The following CAMK4 variants were observed in gnomAD, a reference collection of about 807,000 sequenced individuals.
CAMK4 encodes calcium/calmodulin-dependent protein kinase type IV.
CAMK4 carries 22 observed loss-of-function variants against 44.9 expected under a neutral mutation model. The ratio of observed to expected loss-of-function variants is 0.49; its 90% CI spans 0.35 to 0.70. The LOEUF (loss-of-function observed/expected upper bound fraction) is 0.70. Among genes scored for constraint, CAMK4 ranks in the 30% least tolerant of loss-of-function variants. The pLI is 0.01. For synonymous variants in CAMK4, 218 were observed against 215.4 expected, an observed-to-expected ratio of 1.01 and a Z score of -0.11; for missense variants, 498 against 586.8, an observed-to-expected ratio of 0.85 and a Z score of 1.56.
chr5:111,223,905 G>C (rs1748033203), upstream of CAMK4: 1 of 153,040 alleles, frequency 6.5e-6, no homozygotes, highest in South Asian at 2.1e-4. This position sits in a 1 kb window ranked among gnomAD's most constrained non-coding sequence, Gnocchi z 4.3. Flanking sequence ...GGGATGAGTT[G>C]CGCCACCACC....
rs1370407265 is a variant in CAMK4 at position 111,482,139 on chromosome 5, C to T, written c.829-646C>T. On this transcript the variant is annotated intron_variant, in intron 9 of 10. Transcript: ENST00000282356. This position sits in a 1 kb window ranked among gnomAD's most constrained non-coding sequence, Gnocchi z 4.9. ...TTTATTGACTGCCCATCCTCACAAG[C>T]AGGGGTAAACCTCCAAGAATGGGCT... 1 of 152,164 alleles carries T rather than the reference C, an allele frequency of 6.6e-6. No homozygotes were observed. 9.4% of individuals were successfully genotyped at this position (152,164 alleles called of 1,614,324 possible).
chr5:111,483,357 T>A (rs1014220259), intron 10 of CAMK4, among the ~76,000 whole-genome samples: 7 of 152,142 alleles, frequency 4.6e-5, no homozygotes, highest in Admixed American at 6.5e-5. Context: ...GACAAAAATT[T>A]AAAAATTTAA....
In CAMK4 at chr5:111,321,818, C is replaced by T. The variant is rs563660693; in HGVS notation, c.162-22206C>T. On this transcript the variant is annotated intron_variant, in intron 1 of 10. Transcript: ENST00000282356. ...ATGTTTAAAAAGCTGCCTGGAACAC[C>T]AAAGGGAAATTTCTTAATTCTGCCC... 2.6e-5 allele frequency among the ~76,000 whole-genome samples: 4 copies of T among 152,098 alleles called. No homozygotes were observed. The East Asian group carries it at 7.7e-4, about 29-fold the overall frequency.
Position 111,279,991 on chromosome 5 carries a change from C to T in CAMK4, c.161+55347C>T, listed in dbSNP as rs887633446. ...TTGGAAGAAGGAAGCATTATACAGC[C>T]GGTATTCACAGCAGTATTGAGGTCA... is the stretch of plus-strand genomic sequence containing the variant. On this transcript the variant is annotated intron_variant, in intron 1 of 10. Transcript: ENST00000282356. Among the ~76,000 whole-genome samples, 5 of 152,226 alleles carry T rather than the reference C, an allele frequency of 3.3e-5. No individual in the cohort carries two copies. In the East Asian group the frequency reaches 5.8e-4, roughly 18 times the overall value.
intron 2 of CAMK4, chr5:111,358,091 A>G (rs1478757739): frequency 6.6e-6 from 1 of 152,114 alleles, no homozygotes; most frequent in East Asian, 1.9e-4. Context: ...TTAAGCCTTT[A>G]TTGACACAGG....
At chr5:111,418,961 A>G (rs1752918987) in intron 5 of CAMK4, among the ~76,000 whole-genome samples, 1 of 152,134 alleles carries the variant, frequency 6.6e-6, no homozygotes, top group Non-Finnish European at 1.5e-5. Context: ...TATACCCAGT[A>G]ATGGGATGGC....
chr5:111,468,224 C>A (rs796987479), intron 7 of CAMK4, among the ~76,000 whole-genome samples: 10 of 152,138 alleles, frequency 6.6e-5, no homozygotes, highest in African/African-American at 2.4e-4. Flanking sequence ...GTACAGTGTA[C>A]AATGCTCAGG....
chr5:111,414,009 T>C (rs1201177176), intron 5 of CAMK4, among the ~76,000 whole-genome samples: 2 of 152,180 alleles, frequency 1.3e-5, no homozygotes, highest in Non-Finnish European at 2.9e-5. Context: ...TTAAAACTTA[T>C]GATAGCGAGA....
At chr5:111,251,560 T>C (rs748974440) in intron 1 of CAMK4, among the ~76,000 whole-genome samples, 1 of 152,342 alleles carries the variant, frequency 6.6e-6, no homozygotes, top group Middle Eastern at 3.4e-3. Flanking sequence ...TACAGCCTTA[T>C]CTTCATTAAG....
intron 4 of CAMK4, among the ~76,000 whole-genome samples, chr5:111,382,797 G>A (rs1751467216): frequency 6.6e-6 from 1 of 152,098 alleles, no homozygotes; most frequent in African/African-American, 2.4e-5. Context: ...TTGCTACCAT[G>A]TCATGCTGCT....
intron 1 of CAMK4, among the ~76,000 whole-genome samples, chr5:111,309,565 C>T (rs1173181894): frequency 6.6e-6 from 1 of 152,072 alleles, no homozygotes; most frequent in Non-Finnish European, 1.5e-5. Flanking sequence ...TGGTTCTGAG[C>T]CATTAACAAT....
intron 1 of CAMK4, among the ~76,000 whole-genome samples, chr5:111,325,298 T>G (rs1487361051): frequency 1.3e-5 from 2 of 152,126 alleles, no homozygotes; most frequent in African/African-American, 4.8e-5. Context: ...TCTTTGCTGT[T>G]GTAAATAGTA....
chr5:111,468,743 G>A (rs547079121), intron 7 of CAMK4, among the ~76,000 whole-genome samples: 1 of 152,234 alleles, frequency 6.6e-6, no homozygotes, highest in East Asian at 1.9e-4. Context: ...ACTTTGGGAG[G>A]CCGAGGCGGG....
rs1259399564 is a variant in CAMK4 at position 111,224,700 on chromosome 5, C to G, written c.161+56C>G. 5 of 1,531,338 alleles carry G rather than the reference C, an allele frequency of 3.3e-6. No homozygotes were observed. The East Asian group carries it at 9.7e-5, about 30-fold the overall frequency. The allele number at this position is 1,531,338 out of a possible 1,614,324, so 94.9% of individuals were successfully genotyped here. A position where few individuals can be genotyped will look rare whatever the true frequency, so the allele number is the denominator to read the frequency against. On this transcript the variant is annotated intron_variant, in intron 1 of 10. Transcript: ENST00000282356. The surrounding 1 kb of genome is among the most constrained non-coding windows in gnomAD (Gnocchi z 5.7). Reference sequence around the variant, plus strand: ...GCGGCGTGCACTGGGGGTTGTCCCTCTCGCAGCGACGGCTCGGAGGGTGCG... The same window carrying G: ...GCGGCGTGCACTGGGGGTTGTCCCTGTCGCAGCGACGGCTCGGAGGGTGCG...
chr5:111,451,250 T>G (rs950596578), intron 7 of CAMK4, among the ~76,000 whole-genome samples: 2 of 59,690 alleles, frequency 3.4e-5, no homozygotes, highest in South Asian at 5.1e-4. Context: ...ATAGGGAAAT[T>G]TATATATTTA....
chr5:111,394,458 AACAG>A (rs748894010), intron 4 of CAMK4, among the ~76,000 whole-genome samples: 3 of 152,204 alleles, frequency 2.0e-5, no homozygotes, highest in Non-Finnish European at 4.4e-5. Flanking sequence ...CAAAGCTTAA[AACAG>A]ACAAAGTGTT....
At chr5:111,382,845 G>A (rs1391371220) in intron 4 of CAMK4, among the ~76,000 whole-genome samples, 2 of 152,140 alleles carry the variant, frequency 1.3e-5, no homozygotes, top group Non-Finnish European at 2.9e-5. Context: ...AATAAAACTT[G>A]AGATTAGTAA....
chr5:111,383,150 A>G (rs1202021603), intron 4 of CAMK4, among the ~76,000 whole-genome samples: 1 of 152,196 alleles, frequency 6.6e-6, no homozygotes, highest in Non-Finnish European at 1.5e-5. Flanking sequence ...AGCTCATAAG[A>G]AAGAGAAGCA....
chr5:111,375,058 C>A (rs778925189), intron 3 of CAMK4, 146 bp downstream of exon 3: 2 of 586,038 alleles, frequency 3.4e-6, no homozygotes, highest in Non-Finnish European at 6.0e-6. Flanking sequence ...CATCTCATCA[C>A]CTTTTCAATC....
Sources: allele counts gnomAD v4.1 joint callset (sites outside exome capture counted in the v4.1 genomes callset), GRCh38; gene constraint gnomAD v4.1.1; non-coding constraint Gnocchi (gnomAD v3.1); transcripts MANE v1.5; gene names NCBI Gene and HGNC (gene_info 2026-07-23, HGNC 2026-07-21).